FANCD2: variants seen among roughly 807,000 people sequenced by gnomAD.
FANCD2 encodes the protein FA complementation group D2, also known as Fanconi anemia group D2 protein.
A neutral mutation model predicts 192.3 loss-of-function variants in FANCD2; 131 were observed. The observed-to-expected ratio is 0.68, with a 90% CI of 0.59 to 0.79. The LOEUF is 0.79. Ranked by LOEUF, FANCD2 falls within the 30% of genes least tolerant of loss-of-function variation. The pLI, the probability that FANCD2 is intolerant of heterozygous loss-of-function variation, is 0.00. For synonymous variants in FANCD2, 524 were observed against 612.5 expected, an observed-to-expected ratio of 0.86 and a Z score of 2.13; for missense variants, 1,508 against 1,701.6, an observed-to-expected ratio of 0.89 and a Z score of 2.00.
intron 25 of FANCD2, among the ~76,000 whole-genome samples, chr3:10,066,702 C>G (rs1311651108): frequency 6.6e-6 from 1 of 152,046 alleles, no homozygotes; most frequent in African/African-American, 2.4e-5. Context: ...ATAAGTAAAA[C>G]TAGGGTCACA....
chr3:10,036,997 A>T (rs1575738169), intron 7 of FANCD2, among the ~76,000 whole-genome samples: 1 of 147,212 alleles, frequency 6.8e-6, no homozygotes, highest in African/African-American at 2.5e-5. Context: ...CACCCGGTCC[A>T]GCTAATTTTC....
intron 7 of FANCD2, among the ~76,000 whole-genome samples, chr3:10,038,823 T>C (rs2086792270): frequency 6.6e-6 from 1 of 152,118 alleles, no homozygotes; most frequent in Non-Finnish European, 1.5e-5. Flanking sequence ...TCATGTGATC[T>C]GCCCACCTTG....
chr3:10,088,929 CCACATTCCCTA>C lies in FANCD2; in HGVS notation c.3666_3676del (p.Phe1223AspfsTer15). ...AACTCTCCTAAAGATGCATCTTCCT[CCACATTCCCTA>C]CACTGACCAGGTAAGGGAGTTCTTT... On this transcript the variant is annotated frameshift_variant, in exon 36 of 44. Coordinates refer to ENST00000675286, the MANE Select transcript of FANCD2 (RefSeq NM_001018115.3). LOFTEE classifies it high-confidence loss of function. The C allele has an allele frequency of 6.2e-7, 1 of 1,614,026 alleles. No individual in the cohort carries two copies. The highest frequency in any genetic ancestry group is 8.5e-7 in the Non-Finnish European group (1 of 1,179,946).
intron 29 of FANCD2, among the ~76,000 whole-genome samples, chr3:10,077,630 A>G (rs1693607241): frequency 6.6e-6 from 1 of 152,040 alleles, no homozygotes. Flanking sequence ...ATGCCTGTCC[A>G]TAATCCCAAT....
intron 34 of FANCD2, 109 bp downstream of exon 34, chr3:10,087,373 A>G (rs1694281783): frequency 9.9e-7 from 1 of 1,008,440 alleles, no homozygotes; most frequent in African/African-American, 1.7e-5. Flanking sequence ...AAATCCCCAC[A>G]TAACCTTGGA....
intron 32 of FANCD2, among the ~76,000 whole-genome samples, chr3:10,082,436 G>A (rs6789156): frequency 0.24 from 36,224 of 151,920 alleles, 5,669 homozygotes; most frequent in African/African-American, 0.45. Context: ...CATAAACCCA[G>A]TTTGATCCTA....
rs9879080 is a variant in FANCD2, at chr3:10,042,540, C to T, written c.784-19C>T. The T allele has an allele frequency of 0.17, 276,774 of 1,587,748 alleles. 27,231 individuals are homozygous for T. Among genetic ancestry groups the T allele is most frequent in the African/African-American group, 0.42 (31,576 of 74,474 alleles). On this transcript the variant is annotated intron_variant, in intron 10 of 43. Transcript: ENST00000675286. ...AGTGACATGAAAACCTATTAAGTTTCTGTGCTTTTAATTTTTAGGTTCGCC... is the reference window on the plus strand; with the variant it reads ...AGTGACATGAAAACCTATTAAGTTTTTGTGCTTTTAATTTTTAGGTTCGCC...
Position 10,088,847 on chromosome 3 carries a change from G to C in FANCD2, c.3580G>C (p.Glu1194Gln). 2 of 1,614,166 alleles carry C rather than the reference G, an allele frequency of 1.2e-6. No homozygotes were observed. Among genetic ancestry groups the C allele is most frequent in the Non-Finnish European group, 1.7e-6 (2 of 1,179,984 alleles). The change falls in exon 36 of 44, where the codon GAG (glutamate) becomes CAG (glutamine). Residue 1194 changes from glutamate (E) to glutamine (Q), a missense_variant. Glu to Gln is a conservative substitution (Grantham distance 29). Around this residue, in one of 5 missense-constraint regions of FANCD2, gnomAD observed 796 missense variants for 879.4 expected, o/e 0.91. Coordinates refer to ENST00000675286, the MANE Select transcript of FANCD2 (RefSeq NM_001018115.3). ...ATGCAGTATCTACCTGGAGCACACA[G>C]AGAGCATTCTGAAGGCCATAGAGGA... The part of the protein sequence containing the change: ...ALLCIYLEHT[E>Q]SILKAIEEIA...
intron 18 of FANCD2, chr3:10,057,862 C>T (rs1363529604): frequency 5.3e-6 from 1 of 188,472 alleles, no homozygotes; most frequent in Non-Finnish European, 1.1e-5. Context: ...ACAAGATATT[C>T]TGTCAGTCAT....
chr3:10,093,660 A>G (rs34280496), intron 39 of FANCD2, among the ~76,000 whole-genome samples: 327 of 152,312 alleles, frequency 2.1e-3, no homozygotes, highest in Middle Eastern at 6.8e-3. Flanking sequence ...TTTAAAGTCT[A>G]TGGGTGGCCT....
intron 29 of FANCD2, among the ~76,000 whole-genome samples, chr3:10,077,170 C>T (rs1426929122): frequency 6.6e-6 from 1 of 152,114 alleles, no homozygotes; most frequent in African/African-American, 2.4e-5. Context: ...GAGGTTGAGG[C>T]TGCAGTGAGC....
chr3:10,056,156 G>A (rs2087405702), intron 18 of FANCD2, among the ~76,000 whole-genome samples: 1 of 152,224 alleles, frequency 6.6e-6, no homozygotes, highest in African/African-American at 2.4e-5. Flanking sequence ...TAGGACTACA[G>A]GCGTGAGCCA....
chr3:10,087,148 A>G lies in FANCD2; in HGVS notation c.3350A>G (p.Tyr1117Cys). 1 of 1,614,090 alleles carries G rather than the reference A, an allele frequency of 6.2e-7. No homozygotes were observed. Among genetic ancestry groups the G allele is most frequent in the Non-Finnish European group, 8.5e-7 (1 of 1,180,004 alleles). The change falls in exon 34 of 44, where the codon TAC (tyrosine) becomes TGC (cysteine). Residue 1117 changes from tyrosine (Y) to cysteine (C), a missense_variant. Tyr to Cys is a radical substitution (Grantham distance 194). This residue lies in a region of FANCD2 where 796 missense variants were observed against 879.4 expected (regional missense o/e 0.91). Coordinates refer to ENST00000675286, the MANE Select transcript of FANCD2 (RefSeq NM_001018115.3). ...LEELLSQSVHYLQNFHQSIPS... is the reference protein window; with the variant it reads ...LEELLSQSVHCLQNFHQSIPS... ...TCTCCTTACAGCCAGAGCGTCCATT[A>G]CTTGCAGAATTTCCATCAAAGCATT...
intron 26 of FANCD2, 109 bp from the exon 27 acceptor site, chr3:10,072,762 G>A (rs1693326907): frequency 2.7e-6 from 2 of 733,686 alleles, no homozygotes; most frequent in East Asian, 2.6e-5. Context: ...ATTCAGCCAT[G>A]CTTGGTAATT....
chr3:10,097,929 G>A (rs1439344618), intron 42 of FANCD2, among the ~76,000 whole-genome samples: 3 of 152,142 alleles, frequency 2.0e-5, no homozygotes, highest in Admixed American at 6.5e-5. Context: ...CGGTCCCTCC[G>A]TTTGGGGTCC....
chr3:10,041,295 T>A, intron 9 of FANCD2: 1 of 309,982 alleles, frequency 3.2e-6, no homozygotes. Context: ...CTCATACTTA[T>A]CAGATTTCAT....
At chr3:10,067,465 T>C in intron 26 of FANCD2, 148 bp downstream of exon 26, 2 of 649,992 alleles carry the variant, frequency 3.1e-6, no homozygotes, top group Non-Finnish European at 5.6e-6. Context: ...GATACAAAAA[T>C]CCTAACAAAA....
intron 2 of FANCD2, among the ~76,000 whole-genome samples, chr3:10,030,556 G>C (rs2086566701): frequency 1.3e-5 from 2 of 152,118 alleles, no homozygotes. Context: ...TGATTATAAT[G>C]ATAAAAATTG....
chr3:10,095,537 G>A (rs1356518267), intron 41 of FANCD2, among the ~76,000 whole-genome samples: 1 of 152,180 alleles, frequency 6.6e-6, no homozygotes, highest in Non-Finnish European at 1.5e-5. Flanking sequence ...TAGAATGCTG[G>A]TATATGTTTA....
Sources: allele counts gnomAD v4.1 joint callset (sites outside exome capture counted in the v4.1 genomes callset), GRCh38; gene constraint gnomAD v4.1.1; regional missense constraint gnomAD v4.1.1; transcripts MANE v1.5; gene names NCBI Gene and HGNC (gene_info 2026-07-23, HGNC 2026-07-21).